NCOA2: variants seen among roughly 807,000 people sequenced by gnomAD.
NCOA2 encodes the protein class E basic helix-loop-helix protein 75.
A neutral mutation model predicts 145.1 loss-of-function variants in NCOA2; 21 were observed. The observed-to-expected ratio is 0.14, with a 90% CI of 0.10 to 0.21. The LOEUF is 0.21. NCOA2 is among the 10% of genes least tolerant of loss of function. NCOA2 has a pLI of 1.00. For synonymous variants in NCOA2, 619 were observed against 637.5 expected, an observed-to-expected ratio of 0.97 and a Z score of 0.44; for missense variants, 1,472 against 1,837.6, an observed-to-expected ratio of 0.80 and a Z score of 3.64.
chr8:70,340,640 T>C (rs894176126), intron 1 of NCOA2, among the ~76,000 whole-genome samples: 4 of 152,136 alleles, frequency 2.6e-5, no homozygotes, highest in Non-Finnish European at 5.9e-5. Context: ...AAGATACATG[T>C]ATGCATATGT....
rs974841707 is a variant in NCOA2, at chr8:70,248,309, G to C, written c.-19-31545C>G. 5.9e-5 allele frequency among the ~76,000 whole-genome samples: 9 copies of C among 152,198 alleles called. No homozygotes were observed. The East Asian group carries it at 1.5e-3, about 26-fold the overall frequency. Reference sequence around the variant, plus strand: ...AAATGAAAGCATCTCTGTAATCCAGGCTCCTATCAAAATGTAGAACACTTC... The same window carrying C: ...AAATGAAAGCATCTCTGTAATCCAGCCTCCTATCAAAATGTAGAACACTTC... On this transcript the variant is annotated intron_variant, in intron 2 of 22. Coordinates refer to ENST00000452400, the MANE Select transcript of NCOA2 (RefSeq NM_006540.4).
chr8:70,131,317 G>C (rs138347378), intron 16 of NCOA2, among the ~76,000 whole-genome samples: 4 of 152,124 alleles, frequency 2.6e-5, no homozygotes. Flanking sequence ...GGTTTAACCC[G>C]CCATTTTTAA....
At chr8:70,305,477 A>C (rs1322009447) in intron 1 of NCOA2, among the ~76,000 whole-genome samples, 1 of 152,194 alleles carries the variant, frequency 6.6e-6, no homozygotes, top group African/African-American at 2.4e-5. Flanking sequence ...TGTCTCCTTA[A>C]AAAGGAAGAC....
intron 4 of NCOA2, among the ~76,000 whole-genome samples, chr8:70,175,868 A>AT (rs34885918): frequency 0.74 from 109,518 of 148,916 alleles, 40,848 homozygotes; most frequent in Non-Finnish European, 0.8. Context: ...AACCTTAATA[A>AT]TTTTTTTTTT....
chr8:70,453,753 A>C, the NCOA2 span, among the ~76,000 whole-genome samples: 5 of 152,196 alleles, frequency 3.3e-5, no homozygotes, highest in Non-Finnish European at 7.3e-5. Context: ...TGGATTCAGC[A>C]CTGTGAAACA....
intron 2 of NCOA2, among the ~76,000 whole-genome samples, chr8:70,281,461 A>G (rs1258906758): frequency 6.6e-6 from 1 of 152,058 alleles, no homozygotes. Flanking sequence ...CTTAGGGAGC[A>G]TAAGCAGCTG....
the NCOA2 span, among the ~76,000 whole-genome samples, chr8:70,415,426 A>G: frequency 6.6e-6 from 1 of 152,178 alleles, no homozygotes; most frequent in African/African-American, 2.4e-5. Context: ...GGCACTCAAT[A>G]AATATTTGTG....
chr8:70,405,437 GTTTTTTTTTTTTTTTTT>G (rs34814735), upstream of NCOA2, among the ~76,000 whole-genome samples: 2 of 59,388 alleles, frequency 3.4e-5, no homozygotes, highest in East Asian at 6.8e-4. Flanking sequence ...ATTTTTAAAG[GTTTTTTTTTTTTTTTTT>G]TTTTTTTTTT....
At chr8:70,262,183 T>TCA (rs1563694499) in intron 2 of NCOA2, among the ~76,000 whole-genome samples, 1 of 152,194 alleles carries the variant, frequency 6.6e-6, no homozygotes, top group African/African-American at 2.4e-5. Context: ...GGTAAACACT[T>TCA]TATATATATC....
At chr8:70,447,575 A>C in the NCOA2 span, among the ~76,000 whole-genome samples, 42 of 151,620 alleles carry the variant, frequency 2.8e-4, no homozygotes, top group Non-Finnish European at 5.7e-4. Context: ...TTTTTCTTTG[A>C]GACAAGTTTT....
intron 19 of NCOA2, among the ~76,000 whole-genome samples, chr8:70,125,220 T>C (rs1269889167): frequency 4.6e-5 from 7 of 152,276 alleles, no homozygotes; most frequent in Middle Eastern, 3.4e-3. Context: ...TATACACATA[T>C]AAAATCTCAA....
intron 1 of NCOA2, among the ~76,000 whole-genome samples, chr8:70,301,466 G>A (rs1000221859): frequency 1.3e-5 from 2 of 151,418 alleles, no homozygotes; most frequent in African/African-American, 4.9e-5. Flanking sequence ...CCAGCTTGGG[G>A]CAACAAGGTA....
intron 13 of NCOA2, among the ~76,000 whole-genome samples, chr8:70,141,866 T>C (rs1297522887): frequency 2.0e-5 from 3 of 152,226 alleles, no homozygotes; most frequent in South Asian, 2.1e-4. Flanking sequence ...TCAAGTCTCC[T>C]TCAGGGTATA....
chr8:70,198,985 C>A (rs538191004), intron 4 of NCOA2, among the ~76,000 whole-genome samples: 1 of 151,880 alleles, frequency 6.6e-6, no homozygotes, highest in Non-Finnish European at 1.5e-5. Flanking sequence ...AGTATCTGTG[C>A]AATGAAAGAT....
intron 2 of NCOA2, among the ~76,000 whole-genome samples, chr8:70,256,902 C>T (rs1342404370): frequency 6.6e-6 from 1 of 152,174 alleles, no homozygotes; most frequent in Non-Finnish European, 1.5e-5. Flanking sequence ...GTTTCATCCT[C>T]CCCTTTTAGA....
the NCOA2 span, among the ~76,000 whole-genome samples, chr8:70,430,873 A>G: frequency 6.6e-6 from 1 of 152,230 alleles, no homozygotes; most frequent in Admixed American, 6.5e-5. Flanking sequence ...TAAAAAAGGT[A>G]TGTTGAGTTT....
At chr8:70,323,532 G>A (rs1273698621) in intron 1 of NCOA2, among the ~76,000 whole-genome samples, 1 of 152,088 alleles carries the variant, frequency 6.6e-6, no homozygotes, top group Non-Finnish European at 1.5e-5. Context: ...TATTAAGGGT[G>A]CTAACAGCCT....
intron 5 of NCOA2, among the ~76,000 whole-genome samples, chr8:70,173,016 A>T (rs1814427069): frequency 6.6e-6 from 1 of 152,216 alleles, no homozygotes; most frequent in Non-Finnish European, 1.5e-5. Context: ...GATTACACGT[A>T]AACAGGGACA....
chr8:70,223,920 T>G lies in NCOA2; in HGVS notation c.-19-7156A>C, dbSNP rs146092517. Reference sequence around the variant, plus strand: ...ATTACAGGAAGCACTATATTTTAACTTAGTCAACAGTGACTATGTAATTTG... The same window carrying G: ...ATTACAGGAAGCACTATATTTTAACGTAGTCAACAGTGACTATGTAATTTG... On this transcript the variant is annotated intron_variant, in intron 2 of 22. Transcript: ENST00000452400. Among the ~76,000 whole-genome samples, 562 of 152,364 alleles carry G rather than the reference T, an allele frequency of 3.7e-3. 5 individuals are homozygous for G. The highest frequency in any genetic ancestry group is 0.013 in the African/African-American group (526 of 41,586).
Sources: allele counts gnomAD v4.1 joint callset (sites outside exome capture counted in the v4.1 genomes callset), GRCh38; gene constraint gnomAD v4.1.1; transcripts MANE v1.5; gene names NCBI Gene and HGNC (gene_info 2026-07-23, HGNC 2026-07-21).